Variants in USP10 observed in about 807,000 individuals in gnomAD.
USP10 encodes the protein ubiquitin specific peptidase 10.
A neutral mutation model predicts 84.5 loss-of-function variants in USP10; 22 were observed. That is an observed-to-expected ratio of 0.26 (90% confidence interval 0.19 to 0.37). USP10 has a LOEUF of 0.37. Among genes scored for constraint, USP10 ranks in the 10% least tolerant of loss-of-function variants. The probability of loss-of-function intolerance (pLI) is 1.00; values close to 1 mark genes in which losing one functional copy is unlikely to be tolerated. For missense variants in USP10, 1,019 were observed against 998.9 expected (o/e 1.02, Z -0.27); for synonymous variants, 454 against 387.6 (o/e 1.17, Z -2.01).
chr16:84,762,252 CA>C (rs1913292638), intron 8 of USP10, among the ~76,000 whole-genome samples: 2 of 152,228 alleles, frequency 1.3e-5, no homozygotes, highest in African/African-American at 4.8e-5. Flanking sequence ...CAAAGACAGA[CA>C]GAAGCAGACA....
At chr16:84,756,174 C>T (rs550821999) in intron 4 of USP10, among the ~76,000 whole-genome samples, 1 of 151,292 alleles carries the variant, frequency 6.6e-6, no homozygotes, top group Non-Finnish European at 1.5e-5. Context: ...TTCGTCCCTT[C>T]ACTGGTCTGC....
intron 1 of USP10, chr16:84,733,082 G>GT (rs1226147895): frequency 1.1e-5 from 5 of 462,870 alleles, no homozygotes; most frequent in African/African-American, 9.9e-5. Context: ...GGAAATGGAG[G>GT]TAGTGGCATG....
At chr16:84,776,173 G>C (rs892245608) in intron 13 of USP10, among the ~76,000 whole-genome samples, 17 of 152,226 alleles carry the variant, frequency 1.1e-4, no homozygotes, top group Non-Finnish European at 2.1e-4. Flanking sequence ...ACTCAAGGAA[G>C]AAAACTCACC....
At chr16:84,768,402 G>A (rs369383543) in intron 11 of USP10, 44 bp downstream of exon 11, 1 of 1,467,840 alleles carries the variant, frequency 6.8e-7, no homozygotes, top group African/African-American at 1.4e-5. Context: ...AAGGTGCTCT[G>A]GTTTGGTGGA....
Position 84,764,072 on chromosome 16 carries a change from G to A in USP10, c.1655-14G>A, listed in dbSNP as rs1182309476. 3.1e-6 allele frequency: 5 copies of A among 1,608,004 alleles called. No homozygotes were observed. Among genetic ancestry groups the A allele is most frequent in the Non-Finnish European group, 4.2e-6 (5 of 1,177,540 alleles). ...GTCGTAAATAGTAGTGTAAGCAGAT[G>A]CTCTCCTTTTCAGAACTTACGATTT... On this transcript the variant is annotated splice_polypyrimidine_tract_variant and intron_variant, in intron 9 of 13. Transcript: ENST00000219473.
At position 84,760,822 on chromosome 16, in the gene USP10, G is replaced by A. The variant is rs1018977089; in HGVS notation, c.1554+547G>A. On this transcript the variant is annotated intron_variant, in intron 8 of 13. Transcript: ENST00000219473. ...GGGGCTGTTGAGAGTGACTTGGGCC[G>A]CCCTTAGCACCGTTAACTGGAGCAT... Among the ~76,000 whole-genome samples, 8 of 152,140 alleles carry A rather than the reference G, an allele frequency of 5.3e-5. No homozygotes were observed. The South Asian group carries it at 8.3e-4, about 16-fold the overall frequency.
intron 1 of USP10, chr16:84,732,444 C>CTTTTTTTT: frequency 3.5e-5 from 11 of 318,016 alleles, no homozygotes; most frequent in South Asian, 1.4e-4. Context: ...TCTTCTTCTT[C>CTTTTTTTT]TTTTTTTTTT....
chr16:84,779,658 G>C lies in USP10; in HGVS notation c.*576G>C, dbSNP rs1477920860. ...AGAAACTGCTTACGTACACATTGCAGATCAAATATTTGGAGTTAAAATGTT... is the reference window on the plus strand; with the variant it reads ...AGAAACTGCTTACGTACACATTGCACATCAAATATTTGGAGTTAAAATGTT... On this transcript the variant is annotated 3_prime_UTR_variant, in exon 14 of 14. Coordinates refer to ENST00000219473, the MANE Select transcript of USP10 (RefSeq NM_005153.3). The C allele has an allele frequency of 1.3e-5, 2 of 152,860 alleles. No homozygotes were observed. The highest frequency in any genetic ancestry group is 6.5e-5 in the Admixed American group (1 of 15,298). 9.5% of individuals were successfully genotyped at this position (152,860 alleles called of 1,614,324 possible).
At chr16:84,721,551 G>C (rs1418319409) in intron 1 of USP10, among the ~76,000 whole-genome samples, 1 of 152,112 alleles carries the variant, frequency 6.6e-6, no homozygotes, top group Non-Finnish European at 1.5e-5. Context: ...TTTTTCAGAC[G>C]AGGTCTTGCT....
intron 5 of USP10, 62 bp downstream of exon 5, chr16:84,758,869 A>C (rs767429003): frequency 1.6e-5 from 20 of 1,241,408 alleles, no homozygotes; most frequent in Non-Finnish European, 2.1e-5. Context: ...CTTTGGGTGC[A>C]TGTGACTTAG....
chr16:84,713,943 G>A (rs886941635), intron 1 of USP10, among the ~76,000 whole-genome samples: 6 of 152,268 alleles, frequency 3.9e-5, no homozygotes, highest in Non-Finnish European at 5.9e-5. Flanking sequence ...CGGGGCTGCA[G>A]CACTGGGGGT....
At chr16:84,764,380 T>G in intron 10 of USP10, 117 bp downstream of exon 10, 1 of 1,361,832 alleles carries the variant, frequency 7.3e-7, no homozygotes, top group Non-Finnish European at 1.0e-6. Context: ...GTTTGCATCT[T>G]GCTCCCCTGC....
rs531861071 is a variant in USP10 at position 84,740,193 on chromosome 16, C to T, written c.91-116C>T. 82 of 827,056 alleles carry T rather than the reference C, an allele frequency of 9.9e-5. 1 individual carries two copies. Among genetic ancestry groups the T allele is most frequent in the South Asian group, 9.0e-4 (49 of 54,378 alleles). The allele number at this position is 827,056 out of a possible 1,614,324, so 51.2% of individuals were successfully genotyped here. On this transcript the variant is annotated intron_variant, in intron 2 of 13. Transcript: ENST00000219473. The stretch of plus-strand genomic sequence containing the variant: ...ATGTATGTTATTCTGCTAGAAGTAA[C>T]GGCATGCAAAGTTGTATGGATTAAG...
intron 2 of USP10, among the ~76,000 whole-genome samples, chr16:84,735,236 TGG>T (rs1491497349): frequency 2.5e-5 from 3 of 121,584 alleles, no homozygotes; most frequent in African/African-American, 6.5e-5. Context: ...TGTGTGTGTG[TGG>T]TGTGTGTGTT....
chr16:84,766,062 C>G (rs929989345), intron 10 of USP10, among the ~76,000 whole-genome samples: 6 of 152,114 alleles, frequency 3.9e-5, no homozygotes, highest in East Asian at 1.9e-4. Context: ...GTTGTTGTCC[C>G]AAATGCTGCG....
rs766180809 is a variant in USP10, at chr16:84,760,276, G to GT, written c.1554+4dup. On this transcript the variant is annotated splice_donor_variant, in intron 8 of 13. Transcript: ENST00000219473. LOFTEE classifies it high-confidence loss of function. Reference sequence around the variant, plus strand: ...TAACAAGTCAAGCCTGTCTGAAAAGGTTTGAGACTTCTCTGTTGTCACTAG... The same window carrying GT: ...TAACAAGTCAAGCCTGTCTGAAAAGGTTTTGAGACTTCTCTGTTGTCACTAG... 1.3e-6 allele frequency: 2 copies of GT among 1,599,118 alleles called. No homozygotes were observed. The highest frequency in any genetic ancestry group is 4.5e-5 in the East Asian group (2 of 44,592).
At chr16:84,758,565 T>A in intron 4 of USP10, 151 bp from the exon 5 acceptor site, 1 of 601,466 alleles carries the variant, frequency 1.7e-6, no homozygotes, top group African/African-American at 1.8e-5. Context: ...GATGTTGAAC[T>A]GAATGAAGCC....
At chr16:84,753,950 G>A (rs1462505586) in intron 4 of USP10, among the ~76,000 whole-genome samples, 4 of 152,184 alleles carry the variant, frequency 2.6e-5, no homozygotes, top group Non-Finnish European at 5.9e-5. Flanking sequence ...GAGGGGTGTT[G>A]AGGGGAGAAA....
At chr16:84,735,196 G>GGT (rs34240400) in intron 2 of USP10, among the ~76,000 whole-genome samples, 21,391 of 145,442 alleles carry the variant, frequency 0.15, 1,928 homozygotes, top group Non-Finnish European at 0.21. Flanking sequence ...AGGCCCGGGT[G>GGT]GTGTGTGTGT....
Sources: gnomAD v4.1 joint callset for allele counts (sites outside exome capture counted in the v4.1 genomes callset) on GRCh38, gnomAD v4.1.1 for gene constraint, MANE v1.5 for transcripts, NCBI Gene and HGNC (gene_info 2026-07-23, HGNC 2026-07-21) for gene names.